The following ICE1 variants were observed in gnomAD, a reference collection of about 807,000 sequenced individuals.
ICE1 encodes the protein interactor of little elongation complex ELL subunit 1.
In ICE1, 64 loss-of-function variants were observed where a neutral mutation model predicts 192.7. The observed-to-expected ratio is 0.33, with a 90% CI of 0.27 to 0.41. The LOEUF (loss-of-function observed/expected upper bound fraction) is 0.41. Ranked by LOEUF, ICE1 falls within the 10% of genes least tolerant of loss-of-function variation. ICE1 has a pLI of 1.00. For synonymous variants in ICE1, 1,010 were observed against 984.5 expected, an observed-to-expected ratio of 1.03 and a Z score of -0.49; for missense variants, 2,708 against 2,696.0, an observed-to-expected ratio of 1.00 and a Z score of -0.10.
At position 5,469,035 on chromosome 5, in the gene ICE1, T is replaced by TATAAATTA. The variant is rs1739077421; in HGVS notation, c.6222+53_6222+54insTAATAAAT. 4.0e-6 allele frequency: 5 copies of TATAAATTA among 1,241,040 alleles called. No homozygotes were observed. In the East Asian group the frequency reaches 1.4e-4, roughly 34 times the overall value. 76.9% of individuals were successfully genotyped at this position (1,241,040 alleles called of 1,614,324 possible). Reference sequence around the variant, plus strand: ...TACAGTATCTTACTTTTAGATATTATATAAATGTTAATTATTTTGTTGTGT... The same window carrying TATAAATTA: ...TACAGTATCTTACTTTTAGATATTATATAAATTAATAAATGTTAATTATTTTGTTGTGT... On this transcript the variant is annotated intron_variant, in intron 15 of 18. Transcript: ENST00000296564.
intron 1 of ICE1, among the ~76,000 whole-genome samples, chr5:5,426,666 A>G (rs947815466): frequency 6.6e-6 from 1 of 152,232 alleles, no homozygotes; most frequent in Non-Finnish European, 1.5e-5. Flanking sequence ...CAGATAAAGT[A>G]TGTTAGAGGG....
rs139265538 is a variant in ICE1, at chr5:5,447,623, G to T, written c.508-98G>T. The T allele has an allele frequency of 6.5e-6, 9 of 1,381,120 alleles. No individual in the cohort carries two copies. The East Asian group carries it at 2.3e-4, about 35-fold the overall frequency. 85.6% of individuals were successfully genotyped at this position (1,381,120 alleles called of 1,614,324 possible). A position where few individuals can be genotyped will look rare whatever the true frequency, so the allele number is the denominator to read the frequency against. On this transcript the variant is annotated intron_variant, in intron 8 of 18. Coordinates refer to ENST00000296564, the MANE Select transcript of ICE1 (RefSeq NM_015325.3). ...AACATGAGGCCCCCTGGCAAAAACA[G>T]TCCCAGCTGCCTGTTAAGTTGCACC...
chr5:5,489,628 GAA>G lies in ICE1; in HGVS notation c.*300_*301del, dbSNP rs552073761. ...TGAACTTAGCCCTTTTTTTGCTGCA[GAA>G]AGTGTCCTTTTAGTGGCTTCTTAAA... On this transcript the variant is annotated 3_prime_UTR_variant, in exon 19 of 19. Coordinates refer to ENST00000296564, the MANE Select transcript of ICE1 (RefSeq NM_015325.3). The G allele has an allele frequency of 4.1e-5, 9 of 221,398 alleles. 1 individual carries two copies. In the South Asian group the frequency reaches 1.6e-3, roughly 39 times the overall value. The allele number at this position is 221,398 out of a possible 1,614,324, so 13.7% of individuals were successfully genotyped here.
At chr5:5,454,244 T>C (rs1738520857) in intron 10 of ICE1, among the ~76,000 whole-genome samples, 2 of 152,198 alleles carry the variant, frequency 1.3e-5, no homozygotes, top group South Asian at 4.1e-4. Context: ...ATTTGTCCCA[T>C]GCATACATAA....
intron 12 of ICE1, among the ~76,000 whole-genome samples, chr5:5,459,883 G>T (rs556253536): frequency 6.6e-6 from 1 of 152,284 alleles, no homozygotes; most frequent in African/African-American, 2.4e-5. Context: ...AGAAAGCTTT[G>T]TAAGGGTAGC....
At position 5,464,703 on chromosome 5, in the gene ICE1, C is replaced by T. The variant is rs1335937758; in HGVS notation, c.5369C>T (p.Ala1790Val). The change falls in exon 13 of 19, where the codon GCC becomes GTC. Residue 1790 changes from alanine to valine, a missense_variant. Ala to Val is a moderately conservative substitution (Grantham distance 64). Around this residue, in one of 2 missense-constraint regions of ICE1, gnomAD observed 2,366 missense variants for 2,276.6 expected, o/e 1.04. Transcript: ENST00000296564. The surrounding 1 kb of genome is among the most constrained non-coding windows in gnomAD (Gnocchi z 4.0). ...GACTGTAAGAATTTACCGGGACCTG[C>T]CAGTGCTATGATAGGATTCAAAACG... is the stretch of plus-strand genomic sequence containing the variant. ...PADCKNLPGP[A>V]SAMIGFKTIT... 1 of 1,613,894 alleles carries T rather than the reference C, an allele frequency of 6.2e-7. No homozygotes were observed. The highest frequency in any genetic ancestry group is 1.7e-5 in the Admixed American group (1 of 60,000).
Position 5,460,638 on chromosome 5 carries a change from A to T in ICE1, c.1304A>T (p.Asn435Ile). ...AIQALNTWEV[N>I]KVTTSGLETF... ...CAAGCTCTGAATACATGGGAAGTAA[A>T]TAAAGTGACAACTTCTGGACTCGAG... is the stretch of plus-strand genomic sequence containing the variant. The change falls in exon 13 of 19, where the codon AAT (asparagine) becomes ATT (isoleucine). Residue 435 changes from asparagine to isoleucine, a missense_variant. This residue lies in a region of ICE1 where 2,366 missense variants were observed against 2,276.6 expected (regional missense o/e 1.04). Coordinates refer to ENST00000296564, the MANE Select transcript of ICE1 (RefSeq NM_015325.3). 2 of 1,613,908 alleles carry T rather than the reference A, an allele frequency of 1.2e-6. No individual in the cohort carries two copies. Among genetic ancestry groups the T allele is most frequent in the Non-Finnish European group, 8.5e-7 (1 of 1,179,838 alleles).
chr5:5,444,123 A>T (rs1738132223), intron 6 of ICE1, among the ~76,000 whole-genome samples, 166 bp from the exon 7 acceptor site: 1 of 152,194 alleles, frequency 6.6e-6, no homozygotes, highest in Non-Finnish European at 1.5e-5. Flanking sequence ...CACTGTAAAG[A>T]TATTTCATAC....
chr5:5,482,590 A>T (rs1739534587), intron 17 of ICE1, among the ~76,000 whole-genome samples: 1 of 152,234 alleles, frequency 6.6e-6, no homozygotes, highest in South Asian at 2.1e-4. Context: ...GAGGAGCAGC[A>T]GAGCCTGGTC....
intron 15 of ICE1, among the ~76,000 whole-genome samples, chr5:5,469,689 T>G (rs995001104): frequency 6.6e-6 from 1 of 152,190 alleles, no homozygotes; most frequent in Non-Finnish European, 1.5e-5. Flanking sequence ...CTGTTTTGCC[T>G]TTTTTTATTA....
intron 13 of ICE1, among the ~76,000 whole-genome samples, chr5:5,465,726 T>C (rs764125032): frequency 1.3e-5 from 2 of 152,230 alleles, no homozygotes; most frequent in African/African-American, 2.4e-5. Flanking sequence ...CTTCTAGTGC[T>C]AGACGGATCA....
intron 17 of ICE1, among the ~76,000 whole-genome samples, chr5:5,478,494 A>G (rs1431418395): frequency 6.6e-6 from 1 of 152,240 alleles, no homozygotes; most frequent in Non-Finnish European, 1.5e-5. Flanking sequence ...CATGGATAGG[A>G]AGAATCAATA....
chr5:5,488,569 ACT>A (rs1268204618), intron 18 of ICE1, among the ~76,000 whole-genome samples: 2 of 152,210 alleles, frequency 1.3e-5, no homozygotes, highest in African/African-American at 2.4e-5. Flanking sequence ...AATTTTCATA[ACT>A]CTGAAATAAA....
intron 1 of ICE1, among the ~76,000 whole-genome samples, chr5:5,426,847 C>T (rs918815315): frequency 6.6e-6 from 1 of 152,182 alleles, no homozygotes; most frequent in Non-Finnish European, 1.5e-5. Flanking sequence ...TTCAATTAAA[C>T]TTTCGTGTGA....
At chr5:5,454,860 C>T (rs78685979) in intron 11 of ICE1, among the ~76,000 whole-genome samples, 7 of 151,660 alleles carry the variant, frequency 4.6e-5, no homozygotes, top group African/African-American at 7.3e-5. Context: ...CAAAAAAAAA[C>T]GAGAAGGTCA....
At position 5,489,016 on chromosome 5, in the gene ICE1, T is replaced by A. The variant is rs541086094; in HGVS notation, c.6620-133T>A. On this transcript the variant is annotated intron_variant, in intron 18 of 18. Transcript: ENST00000296564. ...CTTAAATGAATTTTTTTACTGTGGG[T>A]TTTTTTATATTTAATTTTCATTGCT... 3 of 776,762 alleles carry A rather than the reference T, an allele frequency of 3.9e-6. No homozygotes were observed. In the South Asian group the frequency reaches 5.6e-5, roughly 15 times the overall value. 48.1% of individuals were successfully genotyped at this position (776,762 alleles called of 1,614,324 possible). A position where few individuals can be genotyped will look rare whatever the true frequency, so the allele number is the denominator to read the frequency against.
rs375479747 is a variant in ICE1, at chr5:5,447,781, T to G, written c.547+21T>G. Reference sequence around the variant, plus strand: ...AAAGGGTGAGTATTCAGTTAATGCTTACATAAATTTATTTTTGATATGTAG... The same window carrying G: ...AAAGGGTGAGTATTCAGTTAATGCTGACATAAATTTATTTTTGATATGTAG... On this transcript the variant is annotated intron_variant, in intron 9 of 18. Coordinates refer to ENST00000296564, the MANE Select transcript of ICE1 (RefSeq NM_015325.3). 2.5e-5 allele frequency: 39 copies of G among 1,575,302 alleles called. 1 individual carries two copies. The African/African-American group carries it at 4.0e-4, about 16-fold the overall frequency.
chr5:5,444,119 A>C (rs1389089993), intron 6 of ICE1, among the ~76,000 whole-genome samples, 170 bp from the exon 7 acceptor site: 1 of 152,222 alleles, frequency 6.6e-6, no homozygotes, highest in African/African-American at 2.4e-5. Context: ...AATCCACTGT[A>C]AAGATATTTC....
chr5:5,455,832 A>G (rs1047725868), intron 11 of ICE1, among the ~76,000 whole-genome samples: 7 of 152,178 alleles, frequency 4.6e-5, no homozygotes, highest in Non-Finnish European at 2.9e-5. Context: ...GTACAGCCCT[A>G]TTAACTAAAC....
Sources: gnomAD v4.1 joint callset for allele counts (sites outside exome capture counted in the v4.1 genomes callset) on GRCh38, gnomAD v4.1.1 for gene constraint, gnomAD v4.1.1 regional missense constraint, Gnocchi (gnomAD v3.1) non-coding constraint, MANE v1.5 for transcripts, NCBI Gene and HGNC (gene_info 2026-07-23, HGNC 2026-07-21) for gene names.